The following KCNC2 variants were observed in gnomAD, a reference collection of about 807,000 sequenced individuals.
KCNC2 encodes the protein voltage-gated potassium channel KCNC2.
Under a neutral mutation model 44.5 loss-of-function variants are expected in KCNC2, and 21 were observed. The ratio of observed to expected loss-of-function variants is 0.47; its 90% CI spans 0.33 to 0.68. The LOEUF is 0.68. KCNC2 is among the 30% of genes least tolerant of loss of function. The probability of loss-of-function intolerance (pLI) is 0.01; values close to 1 mark genes in which losing one functional copy is unlikely to be tolerated. For missense variants in KCNC2, 589 were observed against 826.2 expected (o/e 0.71, Z 3.52); for synonymous variants, 391 against 339.1 (o/e 1.15, Z -1.68).
At chr12:75,151,504 G>A (rs1357110149) in intron 2 of KCNC2, among the ~76,000 whole-genome samples, 2 of 151,812 alleles carry the variant, frequency 1.3e-5, no homozygotes, top group African/African-American at 4.8e-5. Context: ...AATTTTAAGA[G>A]AAATGAATAG....
At chr12:75,151,042 T>C (rs905662982) in intron 2 of KCNC2, among the ~76,000 whole-genome samples, 2 of 152,048 alleles carry the variant, frequency 1.3e-5, no homozygotes, top group Admixed American at 1.3e-4. Flanking sequence ...GATTTTTATC[T>C]TAACAGTTTT....
At chr12:75,105,539 A>G (rs1306692129) in intron 2 of KCNC2, among the ~76,000 whole-genome samples, 1 of 152,202 alleles carries the variant, frequency 6.6e-6, no homozygotes, top group Non-Finnish European at 1.5e-5. Context: ...AGAAAGCTAC[A>G]TCTGAACAAG....
At chr12:75,070,257 C>G (rs1883263956) in intron 2 of KCNC2, among the ~76,000 whole-genome samples, 2 of 152,012 alleles carry the variant, frequency 1.3e-5, no homozygotes, top group Non-Finnish European at 2.9e-5. Flanking sequence ...CAAGACCAGT[C>G]TGGCCAACAT....
At chr12:75,189,824 C>T (rs754641051) in intron 2 of KCNC2, among the ~76,000 whole-genome samples, 2 of 152,180 alleles carry the variant, frequency 1.3e-5, no homozygotes, top group African/African-American at 2.4e-5. Flanking sequence ...TTGTCAGCTG[C>T]GCTCTGCAAC....
intron 2 of KCNC2, among the ~76,000 whole-genome samples, chr12:75,190,501 A>T (rs2030097062): frequency 6.6e-6 from 1 of 152,232 alleles, no homozygotes; most frequent in Non-Finnish European, 1.5e-5. Flanking sequence ...CTCACAGCAT[A>T]GAAATGTTTC....
At chr12:75,103,495 A>G (rs1407883106) in intron 2 of KCNC2, among the ~76,000 whole-genome samples, 2 of 152,120 alleles carry the variant, frequency 1.3e-5, no homozygotes, top group African/African-American at 2.4e-5. Flanking sequence ...ATATCAACCA[A>G]TTTGCTGGAT....
At chr12:75,116,338 C>G (rs1278391331) in intron 2 of KCNC2, among the ~76,000 whole-genome samples, 1 of 152,006 alleles carries the variant, frequency 6.6e-6, no homozygotes, top group Non-Finnish European at 1.5e-5. Flanking sequence ...AAAATGTACT[C>G]TTAGTGATAT....
intron 2 of KCNC2, among the ~76,000 whole-genome samples, chr12:75,149,734 A>C (rs1433630399): frequency 1.3e-5 from 2 of 151,890 alleles, no homozygotes; most frequent in Non-Finnish European, 2.9e-5. Flanking sequence ...GCTTTGAAAA[A>C]AAAAAGTCTA....
At chr12:75,186,065 A>G (rs997841356) in intron 2 of KCNC2, among the ~76,000 whole-genome samples, 1 of 127,302 alleles carries the variant, frequency 7.9e-6, no homozygotes, top group African/African-American at 2.7e-5. Flanking sequence ...ATAAATAAAT[A>G]AATAAATAAA....
At chr12:75,205,301 G>A (rs556932827) in intron 2 of KCNC2, among the ~76,000 whole-genome samples, 5 of 152,072 alleles carry the variant, frequency 3.3e-5, no homozygotes, top group African/African-American at 2.4e-5. Context: ...TTGACTAAAC[G>A]TGACCTCAAA....
intron 2 of KCNC2, among the ~76,000 whole-genome samples, chr12:75,099,349 C>T (rs575920041): frequency 3.9e-5 from 6 of 152,224 alleles, no homozygotes; most frequent in South Asian, 4.1e-4. Context: ...TCAAATAAAG[C>T]TCAGTTCCAC....
chr12:75,197,211 A>G (rs1444361543), intron 2 of KCNC2, among the ~76,000 whole-genome samples: 2 of 152,052 alleles, frequency 1.3e-5, no homozygotes, highest in East Asian at 3.9e-4. Flanking sequence ...AGAGTCTTAC[A>G]TCTAAGCAGG....
Position 75,207,470 on chromosome 12 carries a change from G to C in KCNC2, c.514C>G (p.Pro172Ala). The change falls in exon 2 of 5, where the codon CCC (proline) becomes GCC (alanine). Residue 172 changes from proline to alanine, a missense_variant. Physicochemically the swap from Pro to Ala is conservative, Grantham distance 27 (BLOSUM62 -1). Transcript: ENST00000549446. The surrounding 1 kb of genome is among the most constrained non-coding windows in gnomAD (Gnocchi z 4.1). ...CCGGGGTCGCCGCCAATGAGGTCGG[G>C]GGTCTCGAAGATGTCCAGCGCCTCC... ...AEEALDIFET[P>A]DLIGGDPGDD... is the part of the protein sequence containing the mutation. The C allele has an allele frequency of 6.2e-7, 1 of 1,612,320 alleles. No individual in the cohort carries two copies. Among genetic ancestry groups the C allele is most frequent in the Non-Finnish European group, 8.5e-7 (1 of 1,179,708 alleles).
chr12:75,158,060 T>C (rs1454304039), intron 2 of KCNC2, among the ~76,000 whole-genome samples: 1 of 151,932 alleles, frequency 6.6e-6, no homozygotes. Context: ...CCCTTATTTA[T>C]ACAATTTACA....
intron 2 of KCNC2, among the ~76,000 whole-genome samples, chr12:75,179,593 C>T (rs1257398938): frequency 6.8e-6 from 1 of 147,918 alleles, no homozygotes; most frequent in African/African-American, 2.5e-5. Context: ...AGAATGAAGG[C>T]ATAAAAATGT....
chr12:75,198,851 C>T (rs1170520029), intron 2 of KCNC2, among the ~76,000 whole-genome samples: 1 of 151,420 alleles, frequency 6.6e-6, no homozygotes, highest in Non-Finnish European at 1.5e-5. Context: ...CACAAAATGA[C>T]AAAAAACTCA....
chr12:75,202,439 CA>C (rs1565695273), intron 2 of KCNC2, among the ~76,000 whole-genome samples: 2 of 151,724 alleles, frequency 1.3e-5, no homozygotes, highest in South Asian at 4.1e-4. Context: ...CTGAAAAGGT[CA>C]AAAGACACTT....
At chr12:75,138,578 T>G (rs1208453855) in intron 2 of KCNC2, among the ~76,000 whole-genome samples, 1 of 152,192 alleles carries the variant, frequency 6.6e-6, no homozygotes, top group African/African-American at 2.4e-5. Context: ...CACTAAAGTT[T>G]GAGAACAAGG....
intron 4 of KCNC2, among the ~76,000 whole-genome samples, chr12:75,046,156 T>C (rs1472027124): frequency 4.0e-5 from 6 of 151,210 alleles, no homozygotes; most frequent in Admixed American, 3.3e-4. Context: ...TGAAAAAGAG[T>C]TGATTATGAT....
Sources: allele counts gnomAD v4.1 joint callset (sites outside exome capture counted in the v4.1 genomes callset), GRCh38; gene constraint gnomAD v4.1.1; non-coding constraint Gnocchi (gnomAD v3.1); transcripts MANE v1.5; gene names NCBI Gene and HGNC (gene_info 2026-07-23, HGNC 2026-07-21).